ZRANB3: variants seen among roughly 807,000 people sequenced by gnomAD.
ZRANB3 encodes the protein zinc finger RANBP2-type containing 3.
In ZRANB3, 125 loss-of-function variants were observed where a neutral mutation model predicts 133.8. That is an observed-to-expected ratio of 0.93 (90% CI 0.81 to 1.08). The LOEUF (loss-of-function observed/expected upper bound fraction) is 1.08. Ranked by LOEUF, ZRANB3 falls within the 50% of genes least tolerant of loss-of-function variation. The pLI is 0.00. For missense variants in ZRANB3, 1,229 were observed against 1,275.5 expected (o/e 0.96, Z 0.56); for synonymous variants, 387 against 432.7 (o/e 0.89, Z 1.31).
At position 135,273,362 on chromosome 2, in the gene ZRANB3, A is replaced by C. The variant is rs984402658; in HGVS notation, c.1087-1475T>G. On this transcript the variant is annotated intron_variant, in intron 9 of 20. Coordinates refer to ENST00000264159, the MANE Select transcript of ZRANB3 (RefSeq NM_032143.4). Reference sequence around the variant, plus strand: ...AGGGAATATCCAAGTTAATTATTAAAAAGAATGTCCCGTATTAACGTTCTG... The same window carrying C: ...AGGGAATATCCAAGTTAATTATTAACAAGAATGTCCCGTATTAACGTTCTG... 9.2e-5 allele frequency among the ~76,000 whole-genome samples: 14 copies of C among 152,300 alleles called. No individual in the cohort carries two copies. In the East Asian group the frequency reaches 2.3e-3, roughly 25 times the overall value.
intron 2 of ZRANB3, among the ~76,000 whole-genome samples, chr2:135,398,002 G>A (rs887907649): frequency 2.0e-5 from 3 of 152,060 alleles, no homozygotes; most frequent in African/African-American, 7.2e-5. Flanking sequence ...CAGCAATAAG[G>A]ATCATGTCCA....
chr2:135,247,577 T>C (rs1300146446), intron 12 of ZRANB3, among the ~76,000 whole-genome samples: 1 of 152,184 alleles, frequency 6.6e-6, no homozygotes, highest in Non-Finnish European at 1.5e-5. Context: ...GACATGGTCT[T>C]AGCCAGGTGC....
chr2:135,358,290 T>A (rs929028745), intron 3 of ZRANB3, among the ~76,000 whole-genome samples: 1 of 152,172 alleles, frequency 6.6e-6, no homozygotes, highest in African/African-American at 2.4e-5. Context: ...TCAAGTTTCC[T>A]CCTCTCTGAG....
chr2:135,308,348 G>A (rs1293809515), intron 8 of ZRANB3, among the ~76,000 whole-genome samples: 2 of 152,130 alleles, frequency 1.3e-5, no homozygotes, highest in African/African-American at 2.4e-5. Context: ...GAGGTTGGAG[G>A]AGGGGGTACT....
intron 2 of ZRANB3, among the ~76,000 whole-genome samples, chr2:135,441,997 G>A (rs1689801166): frequency 6.6e-6 from 1 of 152,104 alleles, no homozygotes; most frequent in Admixed American, 6.6e-5. Flanking sequence ...GCCATATGTA[G>A]AAAGCTGAAA....
chr2:135,413,255 A>T (rs1688391032), intron 2 of ZRANB3, among the ~76,000 whole-genome samples: 1 of 152,208 alleles, frequency 6.6e-6, no homozygotes, highest in Admixed American at 6.6e-5. Flanking sequence ...AGATGACATG[A>T]ATAGACTAGT....
At chr2:135,218,990 T>A (rs564473563) in intron 16 of ZRANB3, 87 bp downstream of exon 16, 2 of 1,025,446 alleles carry the variant, frequency 2.0e-6, no homozygotes, top group East Asian at 3.0e-5. Flanking sequence ...AGTGCTTTTT[T>A]AAAATTAAAC....
intron 20 of ZRANB3, 31 bp from the exon 21 acceptor site, chr2:135,200,471 G>T: frequency 2.0e-6 from 3 of 1,527,366 alleles, no homozygotes; most frequent in Non-Finnish European, 2.7e-6. Flanking sequence ...ATGTGTACAC[G>T]TTAGGAAAAA....
intron 2 of ZRANB3, among the ~76,000 whole-genome samples, chr2:135,461,520 G>A (rs532769352): frequency 2.4e-4 from 37 of 152,266 alleles, no homozygotes; most frequent in African/African-American, 3.8e-4. Context: ...GCAGTGACCC[G>A]AGGTCACGCC....
At chr2:135,437,115 A>G (rs1689570199) in intron 2 of ZRANB3, among the ~76,000 whole-genome samples, 4 of 152,278 alleles carry the variant, frequency 2.6e-5, no homozygotes, top group Middle Eastern at 3.4e-3. Context: ...GCCCGCCACC[A>G]TGCCCAGCTA....
chr2:135,285,461 T>C (rs1213444897), intron 8 of ZRANB3, among the ~76,000 whole-genome samples: 1 of 152,214 alleles, frequency 6.6e-6, no homozygotes, highest in African/African-American at 2.4e-5. Flanking sequence ...CACTCTTCAG[T>C]CTCATATCTT....
chr2:135,480,480 G>C (rs1691731516), intron 2 of ZRANB3, among the ~76,000 whole-genome samples: 1 of 151,996 alleles, frequency 6.6e-6, no homozygotes, highest in Non-Finnish European at 1.5e-5. Flanking sequence ...TTCAATTTTA[G>C]GAGAGAAAAC....
At chr2:135,230,994 G>T in intron 12 of ZRANB3, 67 bp from the exon 13 acceptor site, 1 of 1,404,806 alleles carries the variant, frequency 7.1e-7, no homozygotes, top group Non-Finnish European at 9.4e-7. Context: ...ACATAAAAGA[G>T]CTTAACAAAA....
intron 12 of ZRANB3, among the ~76,000 whole-genome samples, chr2:135,234,029 G>A (rs1377460887): frequency 3.3e-5 from 5 of 152,170 alleles, no homozygotes; most frequent in Admixed American, 6.5e-5. Flanking sequence ...ACCCATCAGT[G>A]TGCTGTATTC....
At chr2:135,352,237 T>A (rs1364508334) in intron 4 of ZRANB3, among the ~76,000 whole-genome samples, 1 of 151,218 alleles carries the variant, frequency 6.6e-6, no homozygotes, top group East Asian at 1.9e-4. Flanking sequence ...GAGGCTGAGG[T>A]AGGAGAATCC....
intron 2 of ZRANB3, among the ~76,000 whole-genome samples, chr2:135,455,231 C>T (rs1454697844): frequency 8.8e-6 from 1 of 113,398 alleles, no homozygotes; most frequent in Non-Finnish European, 1.6e-5. Context: ...TCTTGTTGCC[C>T]AGGTTGGAGT....
At chr2:135,262,063 G>T (rs1306889915) in intron 12 of ZRANB3, among the ~76,000 whole-genome samples, 1 of 151,206 alleles carries the variant, frequency 6.6e-6, no homozygotes, top group East Asian at 1.9e-4. Context: ...GGGAGGCTGA[G>T]GCAGGAGCAT....
At chr2:135,337,080 A>G (rs1684402326) in intron 6 of ZRANB3, among the ~76,000 whole-genome samples, 1 of 152,220 alleles carries the variant, frequency 6.6e-6, no homozygotes. Context: ...TTCAGAGTCC[A>G]GGAAGGCTCC....
intron 2 of ZRANB3, among the ~76,000 whole-genome samples, chr2:135,437,099 A>G (rs1005976839): frequency 1.6e-4 from 24 of 152,152 alleles, no homozygotes; most frequent in Admixed American, 1.2e-3. Flanking sequence ...AGCTGGGATT[A>G]CAGGTGCCCG....
Sources: allele counts gnomAD v4.1 joint callset (sites outside exome capture counted in the v4.1 genomes callset), GRCh38; gene constraint gnomAD v4.1.1; transcripts MANE v1.5; gene names NCBI Gene and HGNC (gene_info 2026-07-23, HGNC 2026-07-21).